The following NLGN1 variants were observed in gnomAD, a reference collection of about 807,000 sequenced individuals.
NLGN1 encodes the protein neuroligin-1.
Under a neutral mutation model 65.5 loss-of-function variants are expected in NLGN1, and 12 were observed. The ratio of observed to expected loss-of-function variants is 0.18; its 90% CI spans 0.12 to 0.30. NLGN1 has a LOEUF of 0.30. Ranked by LOEUF, NLGN1 falls within the 10% of genes least tolerant of loss-of-function variation. The pLI is 1.00. For synonymous variants in NLGN1, 350 were observed against 359.5 expected (o/e 0.97, Z 0.30); for missense variants, 750 against 1,007.1 (o/e 0.74, Z 3.46).
chr3:174,156,156 A>G (rs546579887), intron 4 of NLGN1, among the ~76,000 whole-genome samples: 2 of 151,998 alleles, frequency 1.3e-5, no homozygotes, highest in African/African-American at 4.8e-5. Flanking sequence ...CTTCTTTTCT[A>G]CTTTAACGCA....
chr3:173,455,064 C>T (rs1314389404), intron 2 of NLGN1, among the ~76,000 whole-genome samples: 1 of 152,158 alleles, frequency 6.6e-6, no homozygotes, highest in Admixed American at 6.6e-5. Flanking sequence ...AGTTTGCTAT[C>T]TTAGATGGCT....
At chr3:174,104,565 G>T (rs1369272504) in intron 4 of NLGN1, among the ~76,000 whole-genome samples, 1 of 152,052 alleles carries the variant, frequency 6.6e-6, no homozygotes, top group East Asian at 1.9e-4. Context: ...AGACACGTAG[G>T]AACATTAAAT....
intron 2 of NLGN1, among the ~76,000 whole-genome samples, chr3:173,502,267 C>G (rs567049360): frequency 1.1e-3 from 169 of 152,060 alleles, no homozygotes; most frequent in Non-Finnish European, 1.7e-3. Context: ...GGCAATTTTC[C>G]TAGAGACTTA....
chr3:173,888,863 G>A (rs542180938), intron 4 of NLGN1, among the ~76,000 whole-genome samples: 1 of 151,906 alleles, frequency 6.6e-6, no homozygotes, highest in Non-Finnish European at 1.5e-5. Context: ...TACCTTTATT[G>A]TCACTTGAAT....
At chr3:173,565,023 T>A (rs1360878418) in intron 2 of NLGN1, among the ~76,000 whole-genome samples, 1 of 152,106 alleles carries the variant, frequency 6.6e-6, no homozygotes, top group Non-Finnish European at 1.5e-5. Flanking sequence ...GAGGGAATGA[T>A]GAGGCTACAT....
chr3:173,818,640 C>T (rs918268403), intron 4 of NLGN1, among the ~76,000 whole-genome samples: 1 of 151,948 alleles, frequency 6.6e-6, no homozygotes, highest in African/African-American at 2.4e-5. Flanking sequence ...AGTGACTAGC[C>T]CTTAGGTAGA....
intron 4 of NLGN1, among the ~76,000 whole-genome samples, chr3:174,087,162 G>A (rs967753715): frequency 1.3e-5 from 2 of 152,112 alleles, no homozygotes; most frequent in Non-Finnish European, 2.9e-5. Flanking sequence ...AAAAAATAAC[G>A]ATTGGGTACT....
intron 4 of NLGN1, among the ~76,000 whole-genome samples, chr3:174,273,369 ATAT>A (rs1749854034): frequency 6.6e-6 from 1 of 151,642 alleles, no homozygotes; most frequent in African/African-American, 2.4e-5. Flanking sequence ...TGCTTCCATA[ATAT>A]TGTTTTCAGA....
chr3:173,949,315 T>G (rs1560705247), intron 4 of NLGN1, among the ~76,000 whole-genome samples: 1 of 152,194 alleles, frequency 6.6e-6, no homozygotes, highest in Non-Finnish European at 1.5e-5. Context: ...TTTTCTCTCC[T>G]AGCAGCAGTG....
intron 4 of NLGN1, among the ~76,000 whole-genome samples, chr3:173,872,664 G>T (rs1429584568): frequency 6.6e-6 from 1 of 152,118 alleles, no homozygotes; most frequent in East Asian, 1.9e-4. Flanking sequence ...AGTTTCTTCA[G>T]GGCTATAAGA....
intron 3 of NLGN1, among the ~76,000 whole-genome samples, chr3:173,805,685 C>T (rs1716484475): frequency 6.6e-6 from 1 of 152,126 alleles, no homozygotes. Context: ...CTGAAACAGC[C>T]TCCCTCTGTG....
chr3:173,826,789 A>G (rs1194328506), intron 4 of NLGN1, among the ~76,000 whole-genome samples: 1 of 152,028 alleles, frequency 6.6e-6, no homozygotes. Context: ...TGGTAAATGC[A>G]TTCTCCCATC....
At chr3:173,585,960 G>A (rs977830971) in intron 2 of NLGN1, among the ~76,000 whole-genome samples, 4 of 152,094 alleles carry the variant, frequency 2.6e-5, no homozygotes, top group Non-Finnish European at 5.9e-5. Context: ...AATTGACTCA[G>A]GCAACTAAAA....
chr3:173,478,514 C>T (rs764272805), intron 2 of NLGN1, among the ~76,000 whole-genome samples: 2 of 152,086 alleles, frequency 1.3e-5, no homozygotes, highest in Non-Finnish European at 2.9e-5. Context: ...ACCTATGTAA[C>T]AAACCTGTAC....
intron 4 of NLGN1, among the ~76,000 whole-genome samples, chr3:174,106,231 G>C (rs141272213): frequency 6.6e-5 from 10 of 152,076 alleles, no homozygotes; most frequent in South Asian, 2.1e-4. Flanking sequence ...GAGGTGAGAG[G>C]CCTCTTTAAT....
intron 4 of NLGN1, among the ~76,000 whole-genome samples, chr3:174,051,982 C>T (rs1394407167): frequency 6.2e-5 from 9 of 145,394 alleles, no homozygotes; most frequent in African/African-American, 2.5e-4. Context: ...TAAAGAACCC[C>T]CTCTCCTCTC....
intron 2 of NLGN1, among the ~76,000 whole-genome samples, chr3:173,494,888 A>C (rs1469841508): frequency 2.0e-5 from 3 of 151,832 alleles, no homozygotes; most frequent in Non-Finnish European, 4.4e-5. Context: ...CTATTTGGCC[A>C]GTATCATACA....
intron 4 of NLGN1, among the ~76,000 whole-genome samples, chr3:174,150,279 T>A (rs894273397): frequency 1.3e-5 from 2 of 152,158 alleles, no homozygotes; most frequent in African/African-American, 4.8e-5. Context: ...CTCTCTTTTC[T>A]GTATCAAAGT....
chr3:173,918,657 CATATGT>C (rs1481920067), intron 4 of NLGN1, among the ~76,000 whole-genome samples: 2 of 93,072 alleles, frequency 2.1e-5, no homozygotes, highest in Non-Finnish European at 4.1e-5. Context: ...AAAAGAAATA[CATATGT>C]GTGTGTGTGT....
Sources: gnomAD v4.1 joint callset for allele counts (sites outside exome capture counted in the v4.1 genomes callset) on GRCh38, gnomAD v4.1.1 for gene constraint, MANE v1.5 for transcripts, NCBI Gene and HGNC (gene_info 2026-07-23, HGNC 2026-07-21) for gene names.